The following ROBO2 variants were observed in gnomAD, a reference collection of about 807,000 sequenced individuals.
ROBO2 encodes the protein roundabout homolog 2.
In ROBO2, 53 loss-of-function variants were observed where a neutral mutation model predicts 160.8. The ratio of observed to expected loss-of-function variants is 0.33; its 90% CI spans 0.26 to 0.41. ROBO2 has a LOEUF of 0.41. Ranked by LOEUF, ROBO2 falls within the 10% of genes least tolerant of loss-of-function variation. The pLI, the probability that ROBO2 is intolerant of heterozygous loss-of-function variation, is 1.00. For synonymous variants in ROBO2, 664 were observed against 611.7 expected (o/e 1.09, Z -1.26); for missense variants, 1,577 against 1,722.4 (o/e 0.92, Z 1.49).
At chr3:76,819,401 A>G (rs1215493601) in intron 2 of ROBO2, among the ~76,000 whole-genome samples, 1 of 152,048 alleles carries the variant, frequency 6.6e-6, no homozygotes, top group Non-Finnish European at 1.5e-5. Context: ...ACCTTCTGTT[A>G]AGCTACTGGG....
In ROBO2 at chr3:77,529,414, G is replaced by A. The variant is rs574935419; in HGVS notation, c.934+6512G>A. Among the ~76,000 whole-genome samples, 36 of 151,680 alleles carry A rather than the reference G, an allele frequency of 2.4e-4. 1 individual carries two copies. Among genetic ancestry groups the A allele is most frequent in the South Asian group, 1.4e-3 (7 of 4,828 alleles). On this transcript the variant is annotated intron_variant, in intron 6 of 25. Transcript: ENST00000461745. ...AAAAAATACAGGTTGGTTTTGCATC[G>A]GCAGCAGTTGTACTTATAAGCTAAT...
chr3:76,572,169 C>T (rs1294104469), intron 2 of ROBO2, among the ~76,000 whole-genome samples: 2 of 152,056 alleles, frequency 1.3e-5, no homozygotes, highest in Non-Finnish European at 2.9e-5. Flanking sequence ...TTTAGCAGGG[C>T]AGTACTATCA....
intron 2 of ROBO2, among the ~76,000 whole-genome samples, chr3:77,104,567 A>C: frequency 6.6e-6 from 1 of 152,142 alleles, no homozygotes; most frequent in East Asian, 1.9e-4. Flanking sequence ...ATATGGTTTC[A>C]TTTGGGTATT....
At chr3:77,260,013 C>G (rs548824994) in intron 2 of ROBO2, among the ~76,000 whole-genome samples, 3 of 152,092 alleles carry the variant, frequency 2.0e-5, no homozygotes, top group African/African-American at 7.2e-5. Context: ...AGGGTCAGGC[C>G]GTTTATGAGC....
At chr3:77,126,948 C>A (rs990970099) in intron 2 of ROBO2, among the ~76,000 whole-genome samples, 1 of 151,436 alleles carries the variant, frequency 6.6e-6, no homozygotes, top group Non-Finnish European at 1.5e-5. Flanking sequence ...GCCACCACGC[C>A]CGGCTAATTT....
chr3:77,212,771 G>A (rs1378347743), intron 2 of ROBO2, among the ~76,000 whole-genome samples: 1 of 152,146 alleles, frequency 6.6e-6, no homozygotes, highest in East Asian at 1.9e-4. Flanking sequence ...TTTATTGAGA[G>A]TTTTTAGCAT....
chr3:77,157,377 A>C (rs1331287999), intron 2 of ROBO2, among the ~76,000 whole-genome samples: 1 of 152,106 alleles, frequency 6.6e-6, no homozygotes, highest in African/African-American at 2.4e-5. Context: ...ATTCAGCTTC[A>C]TTGTCTTCTG....
chr3:76,712,713 T>C (rs1047298484), intron 2 of ROBO2, among the ~76,000 whole-genome samples: 22 of 151,836 alleles, frequency 1.4e-4, no homozygotes, highest in Non-Finnish European at 3.1e-4. Flanking sequence ...AAAATTTAAA[T>C]GAAAAAAGCT....
intron 2 of ROBO2, among the ~76,000 whole-genome samples, chr3:77,100,748 T>C (rs1026497540): frequency 2.0e-5 from 3 of 152,058 alleles, no homozygotes; most frequent in African/African-American, 7.2e-5. Context: ...CTATAATAAA[T>C]TAAATATACA....
rs1014189481 is a variant in ROBO2, at chr3:76,696,156, A to G, written c.110-401858A>G. Among the ~76,000 whole-genome samples the G allele has an allele frequency of 2.6e-5, 4 of 152,284 alleles. No individual in the cohort carries two copies. The East Asian group carries it at 7.7e-4, about 29-fold the overall frequency. On this transcript the variant is annotated intron_variant, in intron 2 of 26. Coordinates refer to the ROBO2 transcript ENST00000487694. The stretch of plus-strand genomic sequence containing the variant: ...AGCTGTGAATGACTTGAGGCGGGAA[A>G]GTCGTAACGAGTCTAGCCTCCGCAG...
intron 2 of ROBO2, among the ~76,000 whole-genome samples, chr3:76,331,583 T>C (rs1422022567): frequency 6.6e-6 from 1 of 152,118 alleles, no homozygotes; most frequent in Non-Finnish European, 1.5e-5. Context: ...TGGCCAATGC[T>C]CAGTAATATC....
chr3:76,066,283 G>A (rs2107925351), intron 2 of ROBO2, among the ~76,000 whole-genome samples: 1 of 152,170 alleles, frequency 6.6e-6, no homozygotes, highest in Non-Finnish European at 1.5e-5. Context: ...GCATCAGAAT[G>A]ATTAGTCAGC....
At chr3:76,027,757 T>C (rs1389628547) in intron 2 of ROBO2, among the ~76,000 whole-genome samples, 1 of 151,956 alleles carries the variant, frequency 6.6e-6, no homozygotes, top group African/African-American at 2.4e-5. Flanking sequence ...CCATTTAAAT[T>C]TGAACTTCAG....
chr3:76,056,149 T>C (rs1049077766), intron 2 of ROBO2, among the ~76,000 whole-genome samples: 10 of 152,154 alleles, frequency 6.6e-5, no homozygotes, highest in Admixed American at 6.6e-4. Flanking sequence ...ATTCACATTG[T>C]ATTAAGTATT....
In ROBO2 at chr3:76,120,873, A is replaced by G. The variant is rs191929532; in HGVS notation, c.109+183271A>G. ...TAGTATAAGAGTTCCTTCTACAAAT[A>G]CAGAACAATACTTGCCTGCAATATA... On this transcript the variant is annotated intron_variant, in intron 2 of 26. Coordinates refer to the ROBO2 transcript ENST00000487694. Among the ~76,000 whole-genome samples, 3 of 152,298 alleles carry G rather than the reference A, an allele frequency of 2.0e-5. No homozygotes were observed. The East Asian group carries it at 5.8e-4, about 29-fold the overall frequency.
At chr3:76,191,900 A>G (rs764608815) in intron 2 of ROBO2, among the ~76,000 whole-genome samples, 7 of 151,922 alleles carry the variant, frequency 4.6e-5, no homozygotes, top group Non-Finnish European at 8.8e-5. Context: ...TTTCACTCCA[A>G]TAACCTCAAC....
chr3:76,365,854 A>G (rs1160077256), intron 2 of ROBO2, among the ~76,000 whole-genome samples: 3 of 152,106 alleles, frequency 2.0e-5, no homozygotes, highest in Non-Finnish European at 4.4e-5. Context: ...GTATCTAATT[A>G]TTCAGAAGAG....
At chr3:77,112,308 A>T (rs113873299) in intron 2 of ROBO2, among the ~76,000 whole-genome samples, 35,071 of 149,798 alleles carry the variant, frequency 0.23, 5,844 homozygotes, top group African/African-American at 0.47. Context: ...AGGTGGCGCG[A>T]TCTTGGCTCA....
At chr3:76,223,264 AT>A (rs1237913229) in intron 2 of ROBO2, among the ~76,000 whole-genome samples, 2 of 151,942 alleles carry the variant, frequency 1.3e-5, no homozygotes, top group Admixed American at 1.3e-4. Flanking sequence ...CCTGAAGAGA[AT>A]CAGCATTATT....
Sources: gnomAD v4.1 joint callset for allele counts (sites outside exome capture counted in the v4.1 genomes callset) on GRCh38, gnomAD v4.1.1 for gene constraint, MANE v1.5 for transcripts, NCBI Gene and HGNC (gene_info 2026-07-23, HGNC 2026-07-21) for gene names.